CADM2: variants seen among roughly 807,000 people sequenced by gnomAD.
CADM2 encodes the protein cell adhesion molecule 2, also known as immunoglobulin superfamily member 4D.
A neutral mutation model predicts 49.8 loss-of-function variants in CADM2; 12 were observed. That is an observed-to-expected ratio of 0.24 (90% CI 0.15 to 0.39). The LOEUF (loss-of-function observed/expected upper bound fraction) is 0.39. CADM2 is among the 10% of genes least tolerant of loss of function. CADM2 has a pLI of 1.00. For missense variants in CADM2, 378 were observed against 492.3 expected (o/e 0.77, Z 2.20); for synonymous variants, 214 against 175.4 (o/e 1.22, Z -1.74).
At chr3:85,637,561 C>T (rs2064541196) in intron 1 of CADM2, among the ~76,000 whole-genome samples, 2 of 141,916 alleles carry the variant, frequency 1.4e-5, no homozygotes, top group African/African-American at 5.3e-5. Context: ...GAGATTGCGC[C>T]ACTGCAGTCC....
chr3:85,038,408 A>G (rs901328403), intron 1 of CADM2, among the ~76,000 whole-genome samples: 4 of 152,218 alleles, frequency 2.6e-5, no homozygotes, highest in African/African-American at 9.6e-5. Flanking sequence ...GGCTTACTTC[A>G]TTGTGTTTTA....
chr3:85,843,330 G>A (rs1194143323), intron 3 of CADM2, among the ~76,000 whole-genome samples: 3 of 152,010 alleles, frequency 2.0e-5, no homozygotes, highest in Non-Finnish European at 4.4e-5. Context: ...CCTTAGTAAT[G>A]TATCTTTGTC....
intron 8 of CADM2, among the ~76,000 whole-genome samples, chr3:85,998,881 G>A (rs1729767156): frequency 6.6e-6 from 1 of 152,150 alleles, no homozygotes; most frequent in Non-Finnish European, 1.5e-5. Flanking sequence ...AAGTAAAATT[G>A]ACAGATTTTT....
At chr3:85,652,175 AG>A (rs2065063492) in intron 1 of CADM2, among the ~76,000 whole-genome samples, 1 of 152,016 alleles carries the variant, frequency 6.6e-6, no homozygotes, top group African/African-American at 2.4e-5. Context: ...TTAAAGGATT[AG>A]TATCTTGAGA....
At chr3:85,807,427 A>C (rs919588712) in intron 3 of CADM2, among the ~76,000 whole-genome samples, 1 of 144,986 alleles carries the variant, frequency 6.9e-6, no homozygotes, top group African/African-American at 2.6e-5. Context: ...TGAGCTGTGG[A>C]GGCAGAGGTT....
intron 1 of CADM2, among the ~76,000 whole-genome samples, chr3:85,291,365 C>A (rs534933063): frequency 5.9e-5 from 9 of 151,478 alleles, no homozygotes; most frequent in Non-Finnish European, 4.4e-5. Context: ...AAACACTCTG[C>A]AGGATATTAT....
intron 2 of CADM2, among the ~76,000 whole-genome samples, chr3:85,757,684 T>C (rs2069188042): frequency 2.0e-5 from 3 of 152,162 alleles, no homozygotes; most frequent in South Asian, 4.1e-4. Flanking sequence ...AAACATAGTA[T>C]TGTAGATTCT....
At chr3:85,779,930 A>G (rs546824801) in intron 2 of CADM2, among the ~76,000 whole-genome samples, 55 of 152,304 alleles carry the variant, frequency 3.6e-4, no homozygotes, top group African/African-American at 1.2e-3. Context: ...CAGGCTCACA[A>G]TGATTGAACT....
At position 86,024,800 on chromosome 3, in the gene CADM2, C is replaced by T. The variant is rs533419223; in HGVS notation, c.971-40805C>T. ...AAAATGAAGGATGCTCTATTAGTGT[C>T]AGTTTTCTTAATAGTAGTATAGATT... On this transcript the variant is annotated intron_variant, in intron 8 of 9. Transcript: ENST00000383699. 2.6e-5 allele frequency among the ~76,000 whole-genome samples: 4 copies of T among 152,056 alleles called. No homozygotes were observed. The East Asian group carries it at 7.7e-4, about 29-fold the overall frequency.
At chr3:85,021,407 C>A (rs966175115) in intron 1 of CADM2, among the ~76,000 whole-genome samples, 1 of 152,120 alleles carries the variant, frequency 6.6e-6, no homozygotes, top group South Asian at 2.1e-4. Flanking sequence ...AAGGAACAGG[C>A]ATTATCTAAC....
At chr3:85,632,442 G>T (rs2064342378) in intron 1 of CADM2, among the ~76,000 whole-genome samples, 2 of 152,080 alleles carry the variant, frequency 1.3e-5, no homozygotes, top group Non-Finnish European at 2.9e-5. Flanking sequence ...AATAATATCA[G>T]AGTCAGAATA....
At chr3:85,369,356 G>A (rs774726170) in intron 1 of CADM2, among the ~76,000 whole-genome samples, 3 of 152,150 alleles carry the variant, frequency 2.0e-5, no homozygotes, top group Admixed American at 6.5e-5. Flanking sequence ...AATGAGGCCC[G>A]GTGCAGTGGC....
intron 2 of CADM2, among the ~76,000 whole-genome samples, chr3:85,794,738 A>T (rs949154244): frequency 4.6e-5 from 7 of 152,058 alleles, no homozygotes; most frequent in African/African-American, 1.4e-4. Flanking sequence ...TGTAGATGGT[A>T]AACAAGATCC....
intron 1 of CADM2, among the ~76,000 whole-genome samples, chr3:85,471,564 A>G (rs1245463614): frequency 6.6e-6 from 1 of 152,072 alleles, no homozygotes; most frequent in African/African-American, 2.4e-5. Flanking sequence ...AGGGTGCTGG[A>G]ATTTTTTAGT....
At chr3:85,903,359 T>G (rs576040292) in intron 5 of CADM2, among the ~76,000 whole-genome samples, 1 of 152,222 alleles carries the variant, frequency 6.6e-6, no homozygotes, top group East Asian at 1.9e-4. Flanking sequence ...CAACTTTCCT[T>G]AACATTTCTT....
chr3:85,818,366 G>A (rs950368147), intron 3 of CADM2, among the ~76,000 whole-genome samples: 2 of 152,140 alleles, frequency 1.3e-5, no homozygotes, highest in African/African-American at 4.8e-5. Context: ...CTGCCTCTGA[G>A]TCTGTGCGAC....
intron 1 of CADM2, among the ~76,000 whole-genome samples, chr3:84,984,048 T>TATATATACACACAC (rs1224516135): frequency 7.0e-6 from 1 of 143,234 alleles, no homozygotes; most frequent in African/African-American, 2.6e-5. Context: ...TATATATATA[T>TATATATACACACAC]ACACACACAC....
intron 1 of CADM2, among the ~76,000 whole-genome samples, chr3:85,400,778 A>G (rs1220991406): frequency 6.6e-6 from 1 of 152,054 alleles, no homozygotes; most frequent in Non-Finnish European, 1.5e-5. Flanking sequence ...CAGGGACAAG[A>G]CGCAGGCGGA....
intron 1 of CADM2, among the ~76,000 whole-genome samples, chr3:85,509,179 T>TAG (rs1433010754): frequency 6.6e-6 from 1 of 152,168 alleles, no homozygotes; most frequent in Non-Finnish European, 1.5e-5. Context: ...AACTAAAACT[T>TAG]ACCTAAGTTC....
Sources: allele counts gnomAD v4.1 joint callset (sites outside exome capture counted in the v4.1 genomes callset), GRCh38; gene constraint gnomAD v4.1.1; transcripts MANE v1.5; gene names NCBI Gene and HGNC (gene_info 2026-07-23, HGNC 2026-07-21).